The following MORC2 variants were observed in gnomAD, a reference collection of about 807,000 sequenced individuals.
MORC2 encodes the protein ATPase MORC2.
Under a neutral mutation model 136.0 loss-of-function variants are expected in MORC2, and 30 were observed. The observed-to-expected ratio is 0.22, with a 90% CI of 0.17 to 0.30. The LOEUF (loss-of-function observed/expected upper bound fraction) is 0.30. Among genes scored for constraint, MORC2 ranks in the 10% least tolerant of loss-of-function variants. MORC2 has a pLI of 1.00. For synonymous variants in MORC2, 439 were observed against 487.0 expected (o/e 0.90, Z 1.30); for missense variants, 922 against 1,333.1 (o/e 0.69, Z 4.80).
chr22:30,940,791 C>T lies in MORC2; in HGVS notation c.871G>A (p.Glu291Lys). 6.2e-7 allele frequency: 1 copy of T among 1,614,146 alleles called. No homozygotes were observed. Among genetic ancestry groups the T allele is most frequent in the Non-Finnish European group, 8.5e-7 (1 of 1,180,010 alleles). ...GCTACGTGCTCTGCTTTCTTCACCT[C>T]CTGCTCCGCACGGGTCTTGAAACGG... ...SSRFKTRAEQEVKKAEHVARI... is the reference protein window; with the variant it reads ...SSRFKTRAEQKVKKAEHVARI... Residue 291 changes from glutamate to lysine, a missense_variant, in exon 10 of 26, where the codon GAG (glutamate) becomes AAG (lysine). Glu to Lys is a moderately conservative substitution (Grantham distance 56, BLOSUM62 1). Coordinates refer to ENST00000397641, the MANE Select transcript of MORC2 (RefSeq NM_001303256.3).
intron 4 of MORC2, 23 bp downstream of exon 4, chr22:30,950,354 A>AC: frequency 5.3e-6 from 2 of 377,682 alleles, no homozygotes; most frequent in Non-Finnish European, 7.9e-6. Context: ...CCCACCCCCC[A>AC]AAACAATAAT....
rs1569192031 is a variant in MORC2, at chr22:30,937,613, C to T, written c.1468G>A (p.Ala490Thr). 6.2e-7 allele frequency: 1 copy of T among 1,613,298 alleles called. No homozygotes were observed. The highest frequency in any genetic ancestry group is 8.5e-7 in the Non-Finnish European group (1 of 1,180,032). ...TGGATGGTGGTGGGGATTTCCATAG[C>T]TCTCCGGCGTTTGTAACGCAGCTCA... is the stretch of plus-strand genomic sequence containing the variant. ...SSELRYKRRR[A>T]MEIPTTIQCD... The change falls in exon 15 of 26, where the codon GCT becomes ACT. Residue 490 changes from alanine to threonine, a missense_variant. Transcript: ENST00000397641. The surrounding 1 kb of genome is among the most constrained non-coding windows in gnomAD (Gnocchi z 4.7).
At chr22:30,954,360 T>C (rs1413849416) in intron 3 of MORC2, among the ~76,000 whole-genome samples, 1 of 152,160 alleles carries the variant, frequency 6.6e-6, no homozygotes, top group African/African-American at 2.4e-5. Context: ...AAAGATCCCT[T>C]AGCCAAGAAT....
At chr22:30,938,640 G>A (rs1460348171) in intron 12 of MORC2, among the ~76,000 whole-genome samples, 1 of 152,060 alleles carries the variant, frequency 6.6e-6, no homozygotes. Context: ...TGCGATCTCC[G>A]CTCACTGCAA....
Position 30,934,132 on chromosome 22 carries a change from TTCC to T in MORC2, c.2250_2252del (p.Glu751del), listed in dbSNP as rs1247915167. 7 of 1,614,024 alleles carry T rather than the reference TTCC, an allele frequency of 4.3e-6. No homozygotes were observed. The highest frequency in any genetic ancestry group is 1.3e-5 in the African/African-American group (1 of 74,904). ...TGCACCTCTCCTTCCTCCTCTCAGC[TTCC>T]TCCTCAACTTCTTCCTCATCAGAAA... is the stretch of plus-strand genomic sequence containing the variant. On this transcript the variant is annotated inframe_deletion, in exon 20 of 26. Transcript: ENST00000397641. The surrounding 1 kb of genome is among the most constrained non-coding windows in gnomAD (Gnocchi z 4.4).
rs1215232533 is a variant in MORC2 at position 30,939,965 on chromosome 22, G to A, written c.981C>T (p.Asp327=). ...GCCTGGGCCGGGACCTTACCCTGGA[G>A]TCCCGCGTGAGGTCTCCACCTAGGC... ...EVRLGGDLTR[D]SRVMLRQVQN... is the part of the protein sequence containing the mutation. Residue 327 remains aspartate (D), a synonymous_variant, in exon 11 of 26, where the codon GAC becomes GAT. Transcript: ENST00000397641. The A allele has an allele frequency of 6.2e-7, 1 of 1,613,704 alleles. No individual in the cohort carries two copies. The highest frequency in any genetic ancestry group is 8.5e-7 in the Non-Finnish European group (1 of 1,179,982).
At chr22:30,962,052 G>A (rs913862841) in intron 1 of MORC2, among the ~76,000 whole-genome samples, 2 of 152,004 alleles carry the variant, frequency 1.3e-5, no homozygotes, top group African/African-American at 4.8e-5. Context: ...AAAAAAATTA[G>A]TCAGGCATGG....
In MORC2 at chr22:30,956,671, G is replaced by A. The variant is rs1373730328; in HGVS notation, c.157+92C>T. 2.2e-5 allele frequency: 24 copies of A among 1,074,654 alleles called. No homozygotes were observed. The East Asian group carries it at 4.4e-4, about 20-fold the overall frequency. 66.6% of individuals were successfully genotyped at this position (1,074,654 alleles called of 1,614,324 possible). A position where few individuals can be genotyped will look rare whatever the true frequency, so the allele number is the denominator to read the frequency against. ...AATCATGCCATCTTCCCAGGCTCCC[G>A]AATCCAGTTATTTCCCACTCAATTC... On this transcript the variant is annotated intron_variant, in intron 3 of 25. Coordinates refer to ENST00000397641, the MANE Select transcript of MORC2 (RefSeq NM_001303256.3).
intron 6 of MORC2, among the ~76,000 whole-genome samples, chr22:30,942,705 A>G (rs1190376170): frequency 6.6e-6 from 1 of 152,024 alleles, no homozygotes; most frequent in Non-Finnish European, 1.5e-5. Flanking sequence ...ACCAGTAAAC[A>G]TGTACAAAAA....
At chr22:30,951,168 A>G (rs1254489293) in intron 3 of MORC2, among the ~76,000 whole-genome samples, 1 of 152,194 alleles carries the variant, frequency 6.6e-6, no homozygotes, top group African/African-American at 2.4e-5. Flanking sequence ...CTTTGACAAT[A>G]AGATGCACAG....
intron 1 of MORC2, among the ~76,000 whole-genome samples, chr22:30,959,232 C>T (rs934530773): frequency 1.3e-5 from 2 of 152,166 alleles, no homozygotes; most frequent in African/African-American, 4.8e-5. Flanking sequence ...AGCAGCCTCC[C>T]AGAGGAGATG....
intron 4 of MORC2, 39 bp downstream of exon 4, chr22:30,950,338 C>CGGGGGGGGGGGGGG: frequency 1.4e-6 from 1 of 695,192 alleles, no homozygotes; most frequent in Non-Finnish European, 2.6e-6. Context: ...GGTTACATCG[C>CGGGGGGGGGGGGGG]ACCCCCCCAC....
At position 30,941,588 on chromosome 22, in the gene MORC2, T is replaced by C. The variant is rs753911840; in HGVS notation, c.699-30A>G. ...AGAGGGCAAAAACAGAGAAGTGCTG[T>C]CACCTGCTCCACAACAGGCCTGACC... On this transcript the variant is annotated intron_variant, in intron 8 of 25. Coordinates refer to ENST00000397641, the MANE Select transcript of MORC2 (RefSeq NM_001303256.3). The surrounding 1 kb of genome is among the most constrained non-coding windows in gnomAD (Gnocchi z 4.6). The C allele has an allele frequency of 3.7e-6, 6 of 1,604,908 alleles. No homozygotes were observed. In the Admixed American group the frequency reaches 5.0e-5, roughly 13 times the overall value.
intron 21 of MORC2, 61 bp downstream of exon 21, chr22:30,933,405 C>CTCCACT (rs1348395328): frequency 1.3e-6 from 2 of 1,571,386 alleles, no homozygotes; most frequent in Non-Finnish European, 8.7e-7. Flanking sequence ...TGGTAAGGGG[C>CTCCACT]TCCACTTCCA....
Position 30,937,064 on chromosome 22 carries a change from AT to A in MORC2, c.1499-28del. The stretch of plus-strand genomic sequence containing the variant: ...TGCAGAGAGCAAAAAAACCCCACAT[AT>A]CAGCCACGCCCACCAACTCTATCTG... On this transcript the variant is annotated intron_variant, in intron 15 of 25. Transcript: ENST00000397641. The surrounding 1 kb of genome is among the most constrained non-coding windows in gnomAD (Gnocchi z 4.7). 6.6e-7 allele frequency: 1 copy of A among 1,522,188 alleles called. No homozygotes were observed. Among genetic ancestry groups the A allele is most frequent in the Non-Finnish European group, 9.1e-7 (1 of 1,097,526 alleles). The allele number at this position is 1,522,188 out of a possible 1,614,324, so 94.3% of individuals were successfully genotyped here.
chr22:30,938,581 T>G (rs1175728138), intron 12 of MORC2, among the ~76,000 whole-genome samples: 1 of 152,214 alleles, frequency 6.6e-6, no homozygotes, highest in Non-Finnish European at 1.5e-5. Context: ...TATTATAATT[T>G]TTTTTTGAGA....
chr22:30,946,421 T>A lies in MORC2; in HGVS notation c.346A>T (p.Ile116Phe). ...SGSMRIGKDF[I>F]LFTKKEDTMT... ...GTGTCTTCCTTCTTGGTGAACAGGA[T>A]AAAATCCTTCCCAATGCGCATTGAG... The change falls in exon 6 of 26, where the codon ATC (isoleucine) becomes TTC (phenylalanine). Residue 116 changes from isoleucine to phenylalanine, a missense_variant. Ile to Phe is a conservative substitution (Grantham distance 21). Transcript: ENST00000397641. 6.2e-7 allele frequency: 1 copy of A among 1,610,394 alleles called. No homozygotes were observed. Among genetic ancestry groups the A allele is most frequent in the South Asian group, 1.1e-5 (1 of 90,094 alleles).
chr22:30,963,239 G>C (rs1363832562), intron 1 of MORC2: 15 of 867,768 alleles, frequency 1.7e-5, no homozygotes, highest in Non-Finnish European at 2.1e-5. Context: ...GCCTCCCAAA[G>C]TGCTGGGATT....
intron 3 of MORC2, among the ~76,000 whole-genome samples, chr22:30,954,563 TCTC>T (rs931577136): frequency 2.6e-5 from 4 of 152,170 alleles, no homozygotes; most frequent in East Asian, 1.9e-4. Context: ...AAGACCCCCA[TCTC>T]CTCCTCTCTG....
Sources: allele counts gnomAD v4.1 joint callset (sites outside exome capture counted in the v4.1 genomes callset), GRCh38; gene constraint gnomAD v4.1.1; non-coding constraint Gnocchi (gnomAD v3.1); transcripts MANE v1.5; gene names NCBI Gene and HGNC (gene_info 2026-07-23, HGNC 2026-07-21).